PLCB1: variants seen among roughly 807,000 people sequenced by gnomAD.
The protein encoded by PLCB1 is phospholipase C beta 1, also known as 1-phosphatidylinositol 4,5-bisphosphate phosphodiesterase beta-1.
Under a neutral mutation model 161.8 loss-of-function variants are expected in PLCB1, and 46 were observed. The observed-to-expected ratio is 0.28, with a 90% CI of 0.22 to 0.36. PLCB1 has a LOEUF of 0.36. PLCB1 is among the 10% of genes least tolerant of loss of function. The pLI is 1.00. For synonymous variants in PLCB1, 517 were observed against 503.7 expected (o/e 1.03, Z -0.35); for missense variants, 1,016 against 1,472.5 (o/e 0.69, Z 5.07).
chr20:8,555,454 T>C (rs1985920312), intron 3 of PLCB1, among the ~76,000 whole-genome samples: 1 of 152,070 alleles, frequency 6.6e-6, no homozygotes. Context: ...CATCCACCAC[T>C]ACCTGAAATG....
At position 8,759,896 on chromosome 20, in the gene PLCB1, A is replaced by ATTTTTTTTTTTT; in HGVS notation, c.2657-500_2657-489dup. Among the ~76,000 whole-genome samples the ATTTTTTTTTTTT allele has an allele frequency of 1.1e-4, 9 of 78,270 alleles. 3 individuals carry two copies. The highest frequency in any genetic ancestry group is 3.6e-4 in the African/African-American group (7 of 19,568). 51.3% of individuals were successfully genotyped at this position (78,270 alleles called of 152,430 possible). On this transcript the variant is annotated intron_variant, in intron 24 of 31. Transcript: ENST00000338037. The stretch of plus-strand genomic sequence containing the variant: ...TTATAAATGGGGCATATAATATCAC[A>ATTTTTTTTTTTT]TTTTTTTTTTTTTTTTTTTTTTGGA...
At chr20:8,690,506 C>G (rs1188272388) in intron 10 of PLCB1, among the ~76,000 whole-genome samples, 1 of 152,032 alleles carries the variant, frequency 6.6e-6, no homozygotes, top group African/African-American at 2.4e-5. Context: ...CTGAGACAGT[C>G]CCTGGGAGAA....
intron 2 of PLCB1, among the ~76,000 whole-genome samples, chr20:8,274,878 G>A (rs1055116949): frequency 4.6e-5 from 7 of 152,090 alleles, no homozygotes; most frequent in Admixed American, 6.6e-5. Context: ...CTTTCCCTGC[G>A]ATGAGTTATT....
intron 2 of PLCB1, among the ~76,000 whole-genome samples, chr20:8,285,155 C>T (rs989065740): frequency 2.0e-5 from 3 of 150,966 alleles, no homozygotes; most frequent in African/African-American, 7.3e-5. Context: ...TTTATTGATC[C>T]TATAAACCAG....
chr20:8,869,126 C>G (rs1987526821), intron 31 of PLCB1, among the ~76,000 whole-genome samples: 1 of 152,174 alleles, frequency 6.6e-6, no homozygotes, highest in Non-Finnish European at 1.5e-5. Flanking sequence ...CTTAGAACAT[C>G]TTTTGGTATT....
intron 2 of PLCB1, among the ~76,000 whole-genome samples, chr20:8,227,206 A>C (rs1195546396): frequency 6.6e-6 from 1 of 152,114 alleles, no homozygotes; most frequent in Non-Finnish European, 1.5e-5. Context: ...ACTAGAGGCT[A>C]CCATATTGGA....
At chr20:8,441,742 G>C (rs1269812553) in intron 3 of PLCB1, among the ~76,000 whole-genome samples, 3 of 152,260 alleles carry the variant, frequency 2.0e-5, no homozygotes, top group East Asian at 1.9e-4. Flanking sequence ...AGATAGAGGA[G>C]GGGGAGAGGG....
chr20:8,372,230 C>T (rs182800518), intron 3 of PLCB1: 1 of 152,226 alleles, frequency 6.6e-6, no homozygotes, highest in East Asian at 1.9e-4. Context: ...TGCGTCTTTC[C>T]ATACTTGATA....
chr20:8,637,932 C>G (rs1360990021), intron 4 of PLCB1, among the ~76,000 whole-genome samples: 19 of 152,192 alleles, frequency 1.2e-4, no homozygotes, highest in Admixed American at 1.2e-3. Flanking sequence ...CTCGCTCTGT[C>G]GCCCAGGCTG....
intron 9 of PLCB1, among the ~76,000 whole-genome samples, chr20:8,680,048 C>T (rs1470061411): frequency 6.6e-6 from 1 of 152,098 alleles, no homozygotes; most frequent in African/African-American, 2.4e-5. Flanking sequence ...GACCAGTGAC[C>T]ACTGGCAAGA....
intron 9 of PLCB1, among the ~76,000 whole-genome samples, chr20:8,662,019 A>AATTATATAATTATTTATTATATAATT (rs1989650427): frequency 1.7e-4 from 3 of 17,550 alleles, no homozygotes; most frequent in African/African-American, 5.6e-4. Flanking sequence ...AATTATATAT[A>AATTATATAATTATTTATTATATAATT]ATATACAATT....
At chr20:8,418,963 ACT>A (rs1184822414) in intron 3 of PLCB1, among the ~76,000 whole-genome samples, 3 of 152,250 alleles carry the variant, frequency 2.0e-5, no homozygotes, top group Admixed American at 2.0e-4. Flanking sequence ...CATTTTTAAA[ACT>A]CAGTCTATAT....
At chr20:8,302,770 G>A (rs1023127537) in intron 2 of PLCB1, among the ~76,000 whole-genome samples, 2 of 151,756 alleles carry the variant, frequency 1.3e-5, no homozygotes, top group South Asian at 4.2e-4. Flanking sequence ...TACAAATTGT[G>A]TCAGAAGACA....
At chr20:8,139,992 A>G (rs1263999517) in intron 1 of PLCB1, among the ~76,000 whole-genome samples, 1 of 152,188 alleles carries the variant, frequency 6.6e-6, no homozygotes, top group Non-Finnish European at 1.5e-5. Context: ...GGTTGTTTCT[A>G]CAGATACGTG....
intron 23 of PLCB1, chr20:8,751,175 A>T (rs553242733): frequency 3.8e-5 from 8 of 210,064 alleles, no homozygotes; most frequent in South Asian, 3.3e-4. Context: ...CGATCTCCTG[A>T]CCTCGGGATC....
chr20:8,719,205 A>G (rs1979493478), intron 14 of PLCB1, among the ~76,000 whole-genome samples: 1 of 152,230 alleles, frequency 6.6e-6, no homozygotes, highest in East Asian at 1.9e-4. Context: ...GAAGTTTTTC[A>G]GTTATAAGTT....
chr20:8,629,058 C>G (rs956084894), intron 4 of PLCB1, among the ~76,000 whole-genome samples: 12 of 152,140 alleles, frequency 7.9e-5, no homozygotes, highest in Non-Finnish European at 1.8e-4. Context: ...CTCTCTTAGC[C>G]TCATCCCTAT....
chr20:8,216,788 A>G (rs986326807), intron 2 of PLCB1, among the ~76,000 whole-genome samples: 1 of 152,254 alleles, frequency 6.6e-6, no homozygotes, highest in African/African-American at 2.4e-5. Context: ...GAACATAAAA[A>G]TATTTGACAT....
chr20:8,867,886 A>G (rs1240558452), intron 31 of PLCB1, among the ~76,000 whole-genome samples: 2 of 152,140 alleles, frequency 1.3e-5, no homozygotes, highest in Admixed American at 6.5e-5. Context: ...ATTAATATAC[A>G]TGTATTAAGT....
Sources: gnomAD v4.1 joint callset for allele counts (sites outside exome capture counted in the v4.1 genomes callset) on GRCh38, gnomAD v4.1.1 for gene constraint, MANE v1.5 for transcripts, NCBI Gene and HGNC (gene_info 2026-07-23, HGNC 2026-07-21) for gene names.